The following THSD4 variants were observed in gnomAD, a reference collection of about 807,000 sequenced individuals.
THSD4 encodes the protein thrombospondin type-1 domain-containing protein 4.
A neutral mutation model predicts 119.0 loss-of-function variants in THSD4; 69 were observed. The ratio of observed to expected loss-of-function variants is 0.58; its 90% confidence interval spans 0.48 to 0.71. The LOEUF is 0.71. THSD4 is among the 30% of genes least tolerant of loss of function. The pLI, the probability that THSD4 is intolerant of heterozygous loss-of-function variation, is 0.00. For synonymous variants in THSD4, 524 were observed against 540.4 expected, an observed-to-expected ratio of 0.97 and a Z score of 0.42; for missense variants, 1,393 against 1,391.1, an observed-to-expected ratio of 1.00 and a Z score of -0.02.
chr15:71,518,659 G>A (rs1595850168), intron 7 of THSD4, among the ~76,000 whole-genome samples: 1 of 152,154 alleles, frequency 6.6e-6, no homozygotes, highest in South Asian at 2.1e-4. Context: ...ACCCTGATGA[G>A]GTGACTCTCC....
At chr15:71,157,435 A>T (rs1284290066) in intron 3 of THSD4, among the ~76,000 whole-genome samples, 1 of 151,468 alleles carries the variant, frequency 6.6e-6, no homozygotes, top group Non-Finnish European at 1.5e-5. Flanking sequence ...CACCTCATGC[A>T]TTTATCATTT....
chr15:71,469,733 A>T (rs993444264), intron 7 of THSD4, among the ~76,000 whole-genome samples: 1 of 152,134 alleles, frequency 6.6e-6, no homozygotes, highest in Non-Finnish European at 1.5e-5. Flanking sequence ...CCTCCCCATG[A>T]TCTCCACCAT....
intron 4 of THSD4, among the ~76,000 whole-genome samples, chr15:71,219,654 G>A (rs924776821): frequency 6.6e-6 from 1 of 152,220 alleles, no homozygotes; most frequent in Non-Finnish European, 1.5e-5. Context: ...TAGTGACAAT[G>A]GCTCCCATGT....
chr15:71,132,728 A>T (rs1190009336), intron 1 of THSD4, among the ~76,000 whole-genome samples: 1 of 152,206 alleles, frequency 6.6e-6, no homozygotes, highest in Non-Finnish European at 1.5e-5. Flanking sequence ...TTGTGAATGA[A>T]TGTGGTGTTT....
chr15:71,606,527 GTTTA>G (rs60265226), intron 7 of THSD4, among the ~76,000 whole-genome samples: 8,906 of 150,924 alleles, frequency 0.059, 343 homozygotes, highest in Middle Eastern at 0.12. Flanking sequence ...AATGGCAATT[GTTTA>G]TTTATTTATT....
chr15:71,114,222 AT>A (rs796831935), upstream of THSD4, among the ~76,000 whole-genome samples: 91 of 145,204 alleles, frequency 6.3e-4, no homozygotes, highest in Admixed American at 2.3e-3. Context: ...CCTTTTGTTA[AT>A]TTTTTTTTTT....
At chr15:71,110,951 G>A (rs547567450), upstream of THSD4, 68 of 603,072 alleles carry the variant, frequency 1.1e-4, no homozygotes, top group South Asian at 2.1e-5. Context: ...AATCATCGCC[G>A]GAAGAAGAAA....
intron 2 of THSD4, among the ~76,000 whole-genome samples, chr15:71,143,767 G>A (rs754616204): frequency 2.1e-5 from 3 of 142,996 alleles, no homozygotes; most frequent in Non-Finnish European, 4.5e-5. Context: ...GTACAGTGGC[G>A]CAATCATAGC....
intron 8 of THSD4, among the ~76,000 whole-genome samples, chr15:71,712,390 T>G (rs1443493484): frequency 6.6e-6 from 1 of 152,210 alleles, no homozygotes; most frequent in Non-Finnish European, 1.5e-5. Flanking sequence ...CAGAAATCTG[T>G]GGCATTAAAT....
chr15:71,306,713 C>T (rs561938809), intron 6 of THSD4, among the ~76,000 whole-genome samples: 1 of 152,308 alleles, frequency 6.6e-6, no homozygotes, highest in South Asian at 2.1e-4. Context: ...ATCTTACCAT[C>T]TTGACAATGC....
chr15:71,231,253 G>C (rs943385047), intron 4 of THSD4, among the ~76,000 whole-genome samples: 2 of 152,120 alleles, frequency 1.3e-5, no homozygotes, highest in Non-Finnish European at 2.9e-5. Context: ...TCATCTCCTG[G>C]GGTCGTTTCC....
rs2140245409 is a variant in THSD4, at chr15:71,771,176, C to A, written c.2882C>A (p.Ser961Tyr). The change falls in exon 17 of 18, where the codon TCT (serine) becomes TAT (tyrosine). Residue 961 changes from serine (S) to tyrosine (Y), a missense_variant. Transcript: ENST00000261862. ...DPQLKPEERE[S>Y]CNPQDCVPEV... Reference sequence around the variant, plus strand: ...CAGTTGAAACCAGAAGAGAGAGAATCTTGTAACCCTCAGGACTGTGTCCCT... The same window carrying A: ...CAGTTGAAACCAGAAGAGAGAGAATATTGTAACCCTCAGGACTGTGTCCCT... The A allele has an allele frequency of 6.2e-7, 1 of 1,614,106 alleles. No individual in the cohort carries two copies. The highest frequency in any genetic ancestry group is 2.2e-5 in the East Asian group (1 of 44,868).
At chr15:71,218,248 C>T (rs1316833146) in intron 4 of THSD4, among the ~76,000 whole-genome samples, 1 of 152,194 alleles carries the variant, frequency 6.6e-6, no homozygotes. Flanking sequence ...GACCTAGAGC[C>T]AGTGGACAAG....
chr15:71,451,811 A>G lies in THSD4; in HGVS notation c.1152+39988A>G, dbSNP rs551537573. On this transcript the variant is annotated intron_variant, in intron 7 of 17. Transcript: ENST00000261862. ...GGTAGGTCAGGGTGGAGGAGGAAGC[A>G]TACACAGCGTTTTGGTCCTGAGGAA... 4.8e-4 allele frequency among the ~76,000 whole-genome samples: 73 copies of G among 152,212 alleles called. 1 individual carries two copies. Among genetic ancestry groups the G allele is most frequent in the African/African-American group, 1.7e-3 (71 of 41,534 alleles).
At chr15:71,693,273 G>A (rs2052091818) in intron 8 of THSD4, among the ~76,000 whole-genome samples, 1 of 152,172 alleles carries the variant, frequency 6.6e-6, no homozygotes. Context: ...TTCTGGTGAG[G>A]CAGAAGGAAA....
intron 7 of THSD4, among the ~76,000 whole-genome samples, chr15:71,442,861 T>A (rs984654498): frequency 6.6e-6 from 1 of 150,376 alleles, no homozygotes; most frequent in Admixed American, 6.6e-5. Context: ...TAGAGCAATC[T>A]CTGATTCTGG....
intron 8 of THSD4, among the ~76,000 whole-genome samples, chr15:71,684,011 AT>A (rs1595861260): frequency 6.6e-6 from 1 of 152,172 alleles, no homozygotes; most frequent in African/African-American, 2.4e-5. Context: ...AGAACATAGC[AT>A]TTATTACCGT....
chr15:71,590,872 C>G (rs8027025), intron 7 of THSD4, among the ~76,000 whole-genome samples: 138,482 of 151,526 alleles, frequency 0.91, 64,650 homozygotes, highest in East Asian at 1. Flanking sequence ...CGGGCATGGT[C>G]GTGGGCACCT....
At chr15:71,346,468 A>G (rs983578795) in intron 6 of THSD4, among the ~76,000 whole-genome samples, 36 of 152,148 alleles carry the variant, frequency 2.4e-4, no homozygotes, top group African/African-American at 7.5e-4. Flanking sequence ...ATTGCCCCGT[A>G]TTTGGCTAGT....
Sources: gnomAD v4.1 joint callset for allele counts (sites outside exome capture counted in the v4.1 genomes callset) on GRCh38, gnomAD v4.1.1 for gene constraint, MANE v1.5 for transcripts, NCBI Gene and HGNC (gene_info 2026-07-23, HGNC 2026-07-21) for gene names.